Variants in ZNF846 observed in about 807,000 individuals in gnomAD.
The protein encoded by ZNF846 is zinc finger protein 846.
A neutral mutation model predicts 16.0 loss-of-function variants in ZNF846; 15 were observed. The observed-to-expected ratio is 0.94, with a 90% CI of 0.63 to 1.45. The LOEUF is 1.45. Ranked by LOEUF, ZNF846 falls within the 40% of genes most tolerant of loss-of-function variation. ZNF846 has a pLI of 0.00. For missense variants in ZNF846, 714 were observed against 622.3 expected, an observed-to-expected ratio of 1.15 and a Z score of -1.57; for synonymous variants, 229 against 212.0, an observed-to-expected ratio of 1.08 and a Z score of -0.70.
chr19:9,767,474 G>C (rs1425943189), intron 1 of ZNF846, among the ~76,000 whole-genome samples: 8 of 152,048 alleles, frequency 5.3e-5, no homozygotes, highest in African/African-American at 1.9e-4. Flanking sequence ...CAAAGAAACA[G>C]AAAACATGCA....
At chr19:9,754,997 C>T (rs576408074), downstream of ZNF846, among the ~76,000 whole-genome samples, 19 of 151,372 alleles carry the variant, frequency 1.3e-4, no homozygotes, top group African/African-American at 4.4e-4. Context: ...TCTCAAGTAG[C>T]TGGGACTACA....
Position 9,758,669 on chromosome 19 carries a change from G to T in ZNF846, c.408C>A (p.His136Gln), listed in dbSNP as rs905518163. Residue 136 changes from histidine to glutamine, a missense_variant, in exon 6 of 6, where the codon CAC (histidine) becomes CAA (glutamine). Transcript: ENST00000397902. Reference sequence around the variant, plus strand: ...TATCCTCAGAAGTTTTCTCTCCAATGTGAGTTATCATGTGAGTCATAAGAA... The same window carrying T: ...TATCCTCAGAAGTTTTCTCTCCAATTTGAGTTATCATGTGAGTCATAAGAA... 108 of 1,612,766 alleles carry T rather than the reference G, an allele frequency of 6.7e-5. 1 individual carries two copies. Among genetic ancestry groups the T allele is most frequent in the Non-Finnish European group, 8.9e-5 (105 of 1,179,570 alleles).
intron 1 of ZNF846, among the ~76,000 whole-genome samples, chr19:9,781,530 A>G (rs2045501298): frequency 6.6e-6 from 1 of 152,076 alleles, no homozygotes; most frequent in African/African-American, 2.4e-5. Context: ...TGCGCTGTTT[A>G]TCTTTCATGC....
At chr19:9,770,480 CTTT>C (rs565850988), upstream of ZNF846, among the ~76,000 whole-genome samples, 2 of 130,130 alleles carry the variant, frequency 1.5e-5, no homozygotes, top group East Asian at 2.2e-4. Flanking sequence ...TGGGTTTTCT[CTTT>C]TTTTTTTTTT....
downstream of ZNF846, among the ~76,000 whole-genome samples, chr19:9,753,691 C>T (rs2045106497): frequency 2.0e-5 from 3 of 151,752 alleles, no homozygotes; most frequent in Non-Finnish European, 4.4e-5. Context: ...GAGTGTGTTG[C>T]TTACAATAAA....
At chr19:9,779,183 T>C (rs113935812) in intron 1 of ZNF846, among the ~76,000 whole-genome samples, 1,736 of 152,296 alleles carry the variant, frequency 0.011, 43 homozygotes, top group African/African-American at 0.039. Context: ...CAGCCAACTG[T>C]AGCTTCGGGG....
exon 6 of ZNF846, chr19:9,757,946 A>G (rs375546122): frequency 4.7e-5 from 76 of 1,613,464 alleles, no homozygotes; most frequent in Non-Finnish European, 5.8e-5. Context: ...GTCCTGAGGA[A>G]CGAGTAAAAG....
chr19:9,785,491 A>G (rs1419968575), intron 1 of ZNF846, among the ~76,000 whole-genome samples: 1 of 140,432 alleles, frequency 7.1e-6, no homozygotes, highest in Admixed American at 7.0e-5. Flanking sequence ...TTTCACGGAG[A>G]CCCCACCCCC....
chr19:9,772,138 C>T (rs1318305323), upstream of ZNF846, among the ~76,000 whole-genome samples: 1 of 152,120 alleles, frequency 6.6e-6, no homozygotes, highest in Non-Finnish European at 1.5e-5. Context: ...TGTTTTGACA[C>T]CTTTGTCAAC....
downstream of ZNF846, chr19:9,755,779 G>A (rs1377660117): frequency 2.0e-4 from 19 of 93,668 alleles, 1 homozygote; most frequent in African/African-American, 7.1e-4. Flanking sequence ...CAGCCTGGGC[G>A]ACAGAGCGAG....
intron 1 of ZNF846, chr19:9,774,635 GAT>G: frequency 6.9e-7 from 1 of 1,446,082 alleles, no homozygotes. Flanking sequence ...CTCTCCATAT[GAT>G]TAGGTGACCT....
At chr19:9,762,147 C>A (rs547131432) in exon 4 of ZNF846, 2 of 1,614,000 alleles carry the variant, frequency 1.2e-6, no homozygotes, top group Non-Finnish European at 1.7e-6. Flanking sequence ...CATGAGACTA[C>A]GTTTGAATAA....
chr19:9,748,870 T>C (rs2045063849), downstream of ZNF846, among the ~76,000 whole-genome samples: 1 of 152,152 alleles, frequency 6.6e-6, no homozygotes, highest in African/African-American at 2.4e-5. Context: ...CTTCCAGTCC[T>C]CCAGCAGGCT....
At chr19:9,754,591 A>G (rs2045116437), downstream of ZNF846, among the ~76,000 whole-genome samples, 1 of 148,740 alleles carries the variant, frequency 6.7e-6, no homozygotes, top group African/African-American at 2.5e-5. Context: ...AAAAAAAGCA[A>G]AGGGCAACAT....
downstream of ZNF846, among the ~76,000 whole-genome samples, chr19:9,751,723 C>A (rs1007911512): frequency 9.9e-5 from 15 of 152,066 alleles, no homozygotes; most frequent in Non-Finnish European, 2.2e-4. Context: ...ACATCCTCCC[C>A]GCCCTTGTGA....
chr19:9,773,416 G>T (rs747149035), upstream of ZNF846, among the ~76,000 whole-genome samples: 5 of 152,148 alleles, frequency 3.3e-5, no homozygotes, highest in Non-Finnish European at 5.9e-5. Flanking sequence ...AGCTGAGTGT[G>T]TGTGTGTGTC....
At chr19:9,771,590 G>T (rs560459695), upstream of ZNF846, among the ~76,000 whole-genome samples, 33 of 152,254 alleles carry the variant, frequency 2.2e-4, no homozygotes, top group Non-Finnish European at 3.8e-4. Flanking sequence ...TAGAATAATA[G>T]TCTCTATCCA....
upstream of ZNF846, among the ~76,000 whole-genome samples, chr19:9,770,274 C>T (rs1457029465): frequency 7.3e-6 from 1 of 137,402 alleles, no homozygotes; most frequent in African/African-American, 2.6e-5. Context: ...TCCAAAGCAA[C>T]AGCTAATCTT....
At chr19:9,774,791 A>G in intron 1 of ZNF846, 1 of 1,596,336 alleles carries the variant, frequency 6.3e-7, no homozygotes, top group East Asian at 2.2e-5. Flanking sequence ...GAAGCCAGCA[A>G]CCAAAACCGA....
Sources: allele counts gnomAD v4.1 joint callset (sites outside exome capture counted in the v4.1 genomes callset), GRCh38; gene constraint gnomAD v4.1.1; transcripts MANE v1.5; gene names NCBI Gene and HGNC (gene_info 2026-07-23, HGNC 2026-07-21).